Variants in MCTP1 observed in about 807,000 individuals in gnomAD.
MCTP1 encodes multiple C2 and transmembrane domain containing 1, also known as multiple C2 and transmembrane domain-containing protein 1.
Under a neutral mutation model 120.6 loss-of-function variants are expected in MCTP1, and 69 were observed. That is an observed-to-expected ratio of 0.57 (90% CI 0.47 to 0.70). The LOEUF (loss-of-function observed/expected upper bound fraction) is 0.70. Among genes scored for constraint, MCTP1 ranks in the 30% least tolerant of loss-of-function variants. The pLI is 0.00. For missense variants in MCTP1, 1,203 were observed against 1,248.8 expected, an observed-to-expected ratio of 0.96 and a Z score of 0.55; for synonymous variants, 529 against 493.1, an observed-to-expected ratio of 1.07 and a Z score of -0.96.
chr5:95,155,809 G>C (rs1162022612), intron 1 of MCTP1, among the ~76,000 whole-genome samples: 2 of 152,166 alleles, frequency 1.3e-5, no homozygotes, highest in African/African-American at 4.8e-5. Context: ...CCCCAAGTGT[G>C]GGAGAGATGT....
At chr5:95,198,119 A>T (rs965412077) in intron 1 of MCTP1, among the ~76,000 whole-genome samples, 1 of 152,108 alleles carries the variant, frequency 6.6e-6, no homozygotes, top group South Asian at 2.1e-4. Context: ...ACCTATATAC[A>T]TATATATGTG....
At chr5:94,973,846 G>T (rs1337314530) in intron 2 of MCTP1, among the ~76,000 whole-genome samples, 4 of 151,982 alleles carry the variant, frequency 2.6e-5, no homozygotes, top group African/African-American at 4.8e-5. Context: ...TTCACAGTTC[G>T]ACCTCCAAGT....
chr5:95,273,810 T>C (rs953168904), intron 1 of MCTP1, among the ~76,000 whole-genome samples: 2 of 152,118 alleles, frequency 1.3e-5, no homozygotes, highest in Non-Finnish European at 1.5e-5. Context: ...AATAAAAGCA[T>C]CTCTGAACAG....
At chr5:95,157,102 T>C (rs1442652728) in intron 1 of MCTP1, among the ~76,000 whole-genome samples, 1 of 152,192 alleles carries the variant, frequency 6.6e-6, no homozygotes, top group Non-Finnish European at 1.5e-5. Flanking sequence ...GAAGTAGTTA[T>C]GTGAAAATTA....
intron 1 of MCTP1, among the ~76,000 whole-genome samples, chr5:95,153,414 C>G (rs1215119279): frequency 2.0e-5 from 3 of 152,274 alleles, no homozygotes; most frequent in African/African-American, 7.2e-5. Context: ...TGGACTAATA[C>G]AATTATATAC....
chr5:95,160,996 T>C (rs1189627170), intron 1 of MCTP1, among the ~76,000 whole-genome samples: 2 of 152,182 alleles, frequency 1.3e-5, no homozygotes, highest in South Asian at 2.1e-4. Context: ...GTTGCTGGGA[T>C]GATAAACTAA....
At chr5:94,773,338 T>TCC (rs1774521658) in intron 19 of MCTP1, among the ~76,000 whole-genome samples, 1 of 152,218 alleles carries the variant, frequency 6.6e-6, no homozygotes, top group African/African-American at 2.4e-5. Context: ...CTGGTTTTCC[T>TCC]CATTTGTTTA....
At position 94,704,026 on chromosome 5, in the gene MCTP1, GAGTT is replaced by G. The variant is rs1345777812; in HGVS notation, c.*3466_*3469del. 6.6e-6 allele frequency: 1 copy of G among 150,748 alleles called. No homozygotes were observed. The highest frequency in any genetic ancestry group is 2.0e-4 in the East Asian group (1 of 5,118). 9.3% of individuals were successfully genotyped at this position (150,748 alleles called of 1,614,324 possible). Reference sequence around the variant, plus strand: ...AAAAAATGTTTTGTTTTCTTTCAGTGAGTTACACCAATCATCCCAGGAAAAAGAA... The same window carrying G: ...AAAAAATGTTTTGTTTTCTTTCAGTGACACCAATCATCCCAGGAAAAAGAA... On this transcript the variant is annotated 3_prime_UTR_variant, in exon 23 of 23. Coordinates refer to ENST00000515393, the MANE Select transcript of MCTP1 (RefSeq NM_024717.7).
Position 94,942,390 on chromosome 5 carries a change from A to G in MCTP1, c.1019T>C (p.Met340Thr). 6.2e-7 allele frequency: 1 copy of G among 1,611,562 alleles called. No homozygotes were observed. Among genetic ancestry groups the G allele is most frequent in the Non-Finnish European group, 8.5e-7 (1 of 1,178,330 alleles). The part of the protein sequence containing the change: ...DYDFGLQDDF[M>T]GSAFLDLTQL... ...TGTCAGATCCAGAAAGGCTGAGCCCATAAAGTCATCCTGTAGTCCAAAATC... is the reference window on the plus strand; with the variant it reads ...TGTCAGATCCAGAAAGGCTGAGCCCGTAAAGTCATCCTGTAGTCCAAAATC... Residue 340 changes from methionine (M) to threonine (T), a missense_variant, in exon 4 of 23, where the codon ATG becomes ACG. Physicochemically the swap from Met to Thr is moderately conservative, Grantham distance 81. Around this residue, in one of 2 missense-constraint regions of MCTP1, gnomAD observed 740 missense variants for 871.1 expected, o/e 0.85. Transcript: ENST00000515393.
chr5:94,815,355 G>T (rs7706606), intron 17 of MCTP1, among the ~76,000 whole-genome samples: 13,913 of 152,096 alleles, frequency 0.091, 735 homozygotes, highest in East Asian at 0.25. Flanking sequence ...AAGCAGGTGG[G>T]CCCTGGCAGA....
chr5:94,885,267 C>A (rs1484648299), intron 12 of MCTP1, among the ~76,000 whole-genome samples: 3 of 150,456 alleles, frequency 2.0e-5, no homozygotes, highest in Non-Finnish European at 3.0e-5. Context: ...GCTGGTCTCC[C>A]TGGGGAAGCT....
At chr5:95,214,412 T>C (rs1197649700) in intron 1 of MCTP1, among the ~76,000 whole-genome samples, 2 of 152,010 alleles carry the variant, frequency 1.3e-5, no homozygotes, top group Non-Finnish European at 2.9e-5. Flanking sequence ...TTTACACTGT[T>C]GGTGGGACTG....
At chr5:94,843,542 T>C (rs1791609126) in intron 17 of MCTP1, among the ~76,000 whole-genome samples, 1 of 152,200 alleles carries the variant, frequency 6.6e-6, no homozygotes, top group South Asian at 2.1e-4. Flanking sequence ...TGGGGTTAGA[T>C]AATAGGCTTT....
intron 1 of MCTP1, among the ~76,000 whole-genome samples, chr5:95,053,656 A>T (rs538033322): frequency 6.6e-6 from 1 of 152,330 alleles, no homozygotes; most frequent in South Asian, 2.1e-4. Context: ...AAAAAGAAGG[A>T]AAGCAATGTT....
chr5:95,105,132 G>C (rs1756994474), intron 1 of MCTP1, among the ~76,000 whole-genome samples: 1 of 152,170 alleles, frequency 6.6e-6, no homozygotes, highest in South Asian at 2.1e-4. Context: ...ATGAAGGAAA[G>C]CTACTTTAGC....
intron 1 of MCTP1, among the ~76,000 whole-genome samples, chr5:95,201,463 GGTTTTTTTTTTTTTTTTTTTTT>G (rs1751017380): frequency 3.3e-5 from 4 of 120,682 alleles, no homozygotes; most frequent in African/African-American, 6.0e-5. Flanking sequence ...AAGGAAAAGT[GGTTTTTTTTTTTTTTTTTTTTT>G]TTTTTTTTTT....
Position 94,871,357 on chromosome 5 carries a change from TC to T in MCTP1, c.2096del (p.Arg699GlnfsTer26), listed in dbSNP as rs1482061393. Reference protein sequence around the residue: ...EVTVYDEDRDRSADFLGKVAI... With the variant: ...EVTVYDEDRDXSADFLGKVAI... ...CAACTTTGCCCAGAAAGTCAGCACT[TC>T]GATCCCGATCTTCATCATAAACTGT... On this transcript the variant is annotated frameshift_variant, in exon 14 of 23. Transcript: ENST00000515393. LOFTEE classifies it high-confidence loss of function. 1 of 1,612,848 alleles carries T rather than the reference TC, an allele frequency of 6.2e-7. No homozygotes were observed. The highest frequency in any genetic ancestry group is 8.5e-7 in the Non-Finnish European group (1 of 1,179,190).
At chr5:94,829,093 C>T (rs43212) in intron 17 of MCTP1, among the ~76,000 whole-genome samples, 108,927 of 152,130 alleles carry the variant, frequency 0.72, 39,879 homozygotes, top group Middle Eastern at 0.78. Context: ...AGGGCCCTGG[C>T]GGTGTAGGCA....
chr5:95,177,860 G>C lies in MCTP1; in HGVS notation c.720+105996C>G, dbSNP rs181613972. On this transcript the variant is annotated intron_variant, in intron 1 of 22. Coordinates refer to ENST00000515393, the MANE Select transcript of MCTP1 (RefSeq NM_024717.7). ...CAGGAGGAAGTTAAGTACTATACCA[G>C]GTGGGATCCCAAATTGTAGAGGTAA... 2.8e-3 allele frequency among the ~76,000 whole-genome samples: 422 copies of C among 152,308 alleles called. 2 individuals carry two copies. Among genetic ancestry groups the C allele is most frequent in the African/African-American group, 9.6e-3 (401 of 41,562 alleles).
Sources: gnomAD v4.1 joint callset for allele counts (sites outside exome capture counted in the v4.1 genomes callset) on GRCh38, gnomAD v4.1.1 for gene constraint, gnomAD v4.1.1 regional missense constraint, MANE v1.5 for transcripts, NCBI Gene and HGNC (gene_info 2026-07-23, HGNC 2026-07-21) for gene names.